The following SLC66A2 variants were observed in gnomAD, a reference collection of about 807,000 sequenced individuals.
SLC66A2 encodes solute carrier family 66 member 2, also known as PQ loop repeat containing 1.
SLC66A2 carries 23 observed loss-of-function variants against 25.5 expected under a neutral mutation model. The ratio of observed to expected loss-of-function variants is 0.90; its 90% CI spans 0.65 to 1.28. The LOEUF (loss-of-function observed/expected upper bound fraction) is 1.28, where lower values mean the gene tolerates loss of function less well. Ranked by LOEUF, SLC66A2 falls within the 50% of genes most tolerant of loss-of-function variation. The probability of loss-of-function intolerance (pLI) is 0.00; values close to 1 mark genes in which losing one functional copy is unlikely to be tolerated. For missense variants in SLC66A2, 396 were observed against 373.1 expected (o/e 1.06, Z -0.51); for synonymous variants, 193 against 166.5 (o/e 1.16, Z -1.23).
In SLC66A2 at chr18:79,904,205, G is replaced by C. The variant is rs375235258; in HGVS notation, c.609-22C>G. 16 of 1,609,722 alleles carry C rather than the reference G, an allele frequency of 9.9e-6. No individual in the cohort carries two copies. The African/African-American group carries it at 2.1e-4, about 22-fold the overall frequency. On this transcript the variant is annotated intron_variant, in intron 5 of 5. Transcript: ENST00000397778. This position sits in a 1 kb window ranked among gnomAD's most constrained non-coding sequence, Gnocchi z 6.3. ...GATGCTGTGGAGACACAAGCAGGCG[G>C]TCAGCGGTGGGGAGGGCGGCGACCT...
intron 2 of SLC66A2, among the ~76,000 whole-genome samples, chr18:79,950,456 G>A (rs1048753839): frequency 1.3e-5 from 2 of 152,232 alleles, no homozygotes; most frequent in Non-Finnish European, 2.9e-5. Context: ...AGAGGTCCCT[G>A]CTAAGTACCC....
intron 5 of SLC66A2, among the ~76,000 whole-genome samples, chr18:79,908,152 A>G (rs898678802): frequency 3.9e-5 from 6 of 152,216 alleles, no homozygotes; most frequent in African/African-American, 1.4e-4. Flanking sequence ...TTACCCAGAT[A>G]TTGGCCATTT....
At chr18:79,929,017 G>A (rs114665971) in intron 4 of SLC66A2, among the ~76,000 whole-genome samples, 324 of 152,300 alleles carry the variant, frequency 2.1e-3, no homozygotes, top group African/African-American at 7.3e-3. Flanking sequence ...AGAGAGCTCC[G>A]TAGCTCTCCC....
chr18:79,946,954 C>G (rs1407036195), intron 2 of SLC66A2, among the ~76,000 whole-genome samples: 1 of 152,030 alleles, frequency 6.6e-6, no homozygotes, highest in Non-Finnish European at 1.5e-5. Flanking sequence ...AAGAGCGAGA[C>G]TCTTGTCTAA....
At chr18:79,916,197 G>A (rs1984090731) in intron 5 of SLC66A2, among the ~76,000 whole-genome samples, 1 of 94,326 alleles carries the variant, frequency 1.1e-5, no homozygotes, top group African/African-American at 3.7e-5. Context: ...TACCCACGGT[G>A]CTCCCGTACC....
intron 4 of SLC66A2, among the ~76,000 whole-genome samples, chr18:79,920,237 C>CA (rs11374159): frequency 3.0e-5 from 1 of 33,334 alleles, no homozygotes; most frequent in African/African-American, 1.1e-4. Flanking sequence ...TGAGGAGAGA[C>CA]GGAACCGAGG....
chr18:79,948,845 G>A (rs1161534768), intron 2 of SLC66A2, among the ~76,000 whole-genome samples: 6 of 152,084 alleles, frequency 3.9e-5, no homozygotes, highest in Admixed American at 1.3e-4. Flanking sequence ...GTGGCCTGCC[G>A]ACCAGCGTCT....
intron 3 of SLC66A2, among the ~76,000 whole-genome samples, chr18:79,936,696 A>G (rs759133264): frequency 6.6e-6 from 1 of 152,250 alleles, no homozygotes; most frequent in African/African-American, 2.4e-5. Context: ...AAACTTTATA[A>G]AAGCAATATT....
chr18:79,948,781 G>A (rs10853392), intron 2 of SLC66A2, among the ~76,000 whole-genome samples: 83,717 of 152,176 alleles, frequency 0.55, 23,267 homozygotes, highest in Middle Eastern at 0.7. Flanking sequence ...CTATAACCCT[G>A]AAGACGAGTG....
chr18:79,932,294 A>C (rs997525305), intron 4 of SLC66A2, among the ~76,000 whole-genome samples: 1 of 152,184 alleles, frequency 6.6e-6, no homozygotes, highest in Non-Finnish European at 1.5e-5. Context: ...AAAAGGAAGA[A>C]AGAAAAAAAA....
At chr18:79,910,757 G>A (rs373825920) in intron 5 of SLC66A2, among the ~76,000 whole-genome samples, 5 of 152,354 alleles carry the variant, frequency 3.3e-5, no homozygotes, top group Admixed American at 6.5e-5. Flanking sequence ...CCATATGGCT[G>A]GGCGTGTTCC....
intron 2 of SLC66A2, chr18:79,947,450 C>A (rs1236147311): frequency 6.6e-6 from 1 of 152,574 alleles, no homozygotes; most frequent in African/African-American, 2.4e-5. Flanking sequence ...CACCCCAAAT[C>A]CCCAACGGGG....
At chr18:79,950,575 C>T in intron 2 of SLC66A2, 149 bp downstream of exon 2, 1 of 690,352 alleles carries the variant, frequency 1.4e-6, no homozygotes. Context: ...AGTGACTTGC[C>T]TGCAGCCACG....
At chr18:79,942,377 G>GTTT (rs1987752342) in intron 3 of SLC66A2, among the ~76,000 whole-genome samples, 1 of 152,164 alleles carries the variant, frequency 6.6e-6, no homozygotes, top group Non-Finnish European at 1.5e-5. Context: ...TTCTACAGAG[G>GTTT]CTGAAAGCAG....
intron 2 of SLC66A2, among the ~76,000 whole-genome samples, chr18:79,946,778 C>T (rs936856035): frequency 6.6e-6 from 1 of 152,144 alleles, no homozygotes; most frequent in Non-Finnish European, 1.5e-5. Context: ...CCAGCCTGGC[C>T]AATATGGTGA....
intron 3 of SLC66A2, among the ~76,000 whole-genome samples, chr18:79,935,933 CA>C (rs754699783): frequency 5.3e-5 from 8 of 152,256 alleles, no homozygotes; most frequent in Non-Finnish European, 1.0e-4. Context: ...AATGCACTCA[CA>C]AGCAAAATAA....
chr18:79,933,119 C>T (rs977187864), intron 4 of SLC66A2, among the ~76,000 whole-genome samples: 6 of 152,186 alleles, frequency 3.9e-5, no homozygotes, highest in Non-Finnish European at 8.8e-5. Flanking sequence ...TGGATTTATC[C>T]CAAGAATGCA....
chr18:79,928,753 G>A (rs1986260860), intron 4 of SLC66A2, among the ~76,000 whole-genome samples: 1 of 151,958 alleles, frequency 6.6e-6, no homozygotes, highest in Non-Finnish European at 1.5e-5. Context: ...GGGCACCCGA[G>A]CTCTTCATCG....
intron 5 of SLC66A2, among the ~76,000 whole-genome samples, chr18:79,914,941 G>A (rs562605361): frequency 2.0e-5 from 3 of 152,350 alleles, no homozygotes; most frequent in East Asian, 1.9e-4. Context: ...ATTCACACTC[G>A]GGTGATACTA....
Sources: allele counts gnomAD v4.1 joint callset (sites outside exome capture counted in the v4.1 genomes callset), GRCh38; gene constraint gnomAD v4.1.1; non-coding constraint Gnocchi (gnomAD v3.1); transcripts MANE v1.5; gene names NCBI Gene and HGNC (gene_info 2026-07-23, HGNC 2026-07-21).